The following TBC1D1 variants were observed in gnomAD, a reference collection of about 807,000 sequenced individuals.
TBC1D1 encodes the protein TBC1 (tre-2/USP6, BUB2, cdc16) domain family, member 1.
TBC1D1 carries 89 observed loss-of-function variants against 125.6 expected under a neutral mutation model. That is an observed-to-expected ratio of 0.71 (90% confidence interval 0.60 to 0.85). The LOEUF is 0.85. Ranked by LOEUF, TBC1D1 falls within the 40% of genes least tolerant of loss-of-function variation. The pLI is 0.00. For missense variants in TBC1D1, 1,377 were observed against 1,469.2 expected (o/e 0.94, Z 1.03); for synonymous variants, 565 against 564.1 (o/e 1.00, Z -0.02).
rs58102618 is a variant in TBC1D1 at position 38,066,954 on chromosome 4, G to A, written c.2050+12616G>A. ...TGCAGTGGTGCAATCTTGGCTCACTGCAACCTCCGCCTCCTGGGTTCAAGC... is the reference window on the plus strand; with the variant it reads ...TGCAGTGGTGCAATCTTGGCTCACTACAACCTCCGCCTCCTGGGTTCAAGC... On this transcript the variant is annotated intron_variant, in intron 12 of 19. Transcript: ENST00000261439. 1.8e-4 allele frequency among the ~76,000 whole-genome samples: 27 copies of A among 152,000 alleles called. No homozygotes were observed. The East Asian group carries it at 5.2e-3, about 30-fold the overall frequency.
chr4:38,125,649 A>G (rs1216381021), intron 18 of TBC1D1, among the ~76,000 whole-genome samples: 14 of 152,110 alleles, frequency 9.2e-5, no homozygotes, highest in Admixed American at 9.2e-4. Context: ...CTGTGGCTTC[A>G]TTACCTCTGG....
chr4:38,077,684 G>A (rs528267056), intron 12 of TBC1D1, among the ~76,000 whole-genome samples: 1 of 141,286 alleles, frequency 7.1e-6, no homozygotes, highest in African/African-American at 2.7e-5. Context: ...TACATTAAAA[G>A]CCTGTAATTT....
chr4:37,900,407 CTTTTT>C (rs10612576), intron 1 of TBC1D1, among the ~76,000 whole-genome samples: 31,558 of 140,688 alleles, frequency 0.22, 3,752 homozygotes, highest in Middle Eastern at 0.31. Flanking sequence ...AAGGAAATAT[CTTTTT>C]TTTTTTTTTT....
chr4:38,116,899 G>C (rs1763072333), intron 16 of TBC1D1, among the ~76,000 whole-genome samples: 1 of 152,174 alleles, frequency 6.6e-6, no homozygotes, highest in African/African-American at 2.4e-5. Flanking sequence ...CAAATTATGT[G>C]ATTCAAAATC....
chr4:37,901,098 TAGAC>T (rs1382584894), intron 1 of TBC1D1, among the ~76,000 whole-genome samples: 2 of 147,456 alleles, frequency 1.4e-5, no homozygotes, highest in African/African-American at 2.5e-5. Context: ...AGAAAGAACA[TAGAC>T]AGGGAAATGT....
chr4:38,136,269 T>C (rs1008009925), intron 19 of TBC1D1, among the ~76,000 whole-genome samples: 1 of 152,226 alleles, frequency 6.6e-6, no homozygotes, highest in African/African-American at 2.4e-5. Context: ...AATTATGTGC[T>C]AGGTGCTGAG....
At chr4:38,117,147 G>T (rs1254644622) in intron 16 of TBC1D1, among the ~76,000 whole-genome samples, 1 of 152,178 alleles carries the variant, frequency 6.6e-6, no homozygotes, top group African/African-American at 2.4e-5. Context: ...GACAGTCTTC[G>T]ATATGGGAGA....
intron 8 of TBC1D1, among the ~76,000 whole-genome samples, chr4:38,041,779 CAT>C: frequency 6.6e-6 from 1 of 152,256 alleles, no homozygotes; most frequent in African/African-American, 2.4e-5. Flanking sequence ...AAGCAGAAAA[CAT>C]GAATTGATAG....
chr4:37,993,927 G>A (rs1352119463), intron 2 of TBC1D1, among the ~76,000 whole-genome samples: 2 of 152,246 alleles, frequency 1.3e-5, no homozygotes, highest in Admixed American at 6.5e-5. Context: ...CTTGGCTGGC[G>A]AAGCCAGTCT....
At chr4:38,084,819 A>G (rs1208251924) in intron 12 of TBC1D1, among the ~76,000 whole-genome samples, 3 of 152,144 alleles carry the variant, frequency 2.0e-5, no homozygotes, top group Admixed American at 6.5e-5. Context: ...AAAAGCCAGA[A>G]AATTGGAGAA....
chr4:37,894,447 G>T (rs961599486), intron 1 of TBC1D1, among the ~76,000 whole-genome samples: 1 of 152,198 alleles, frequency 6.6e-6, no homozygotes, highest in Non-Finnish European at 1.5e-5. Context: ...TGTGCAGAAT[G>T]TAGGAAATAC....
chr4:37,908,292 G>C (rs1397962044), intron 2 of TBC1D1, among the ~76,000 whole-genome samples: 1 of 152,080 alleles, frequency 6.6e-6, no homozygotes, highest in Non-Finnish European at 1.5e-5. Context: ...TGCAACCTCT[G>C]CCTACCGGGT....
intron 2 of TBC1D1, among the ~76,000 whole-genome samples, chr4:37,920,836 C>T (rs1405681639): frequency 6.6e-6 from 1 of 152,028 alleles, no homozygotes; most frequent in African/African-American, 2.4e-5. Context: ...AGGGGCCGGG[C>T]GCGGTGGCTC....
intron 2 of TBC1D1, among the ~76,000 whole-genome samples, chr4:37,999,469 G>C (rs1202744169): frequency 6.6e-6 from 1 of 152,166 alleles, no homozygotes; most frequent in Non-Finnish European, 1.5e-5. Context: ...CAAATACTCT[G>C]ATGTAGGCCC....
chr4:37,945,736 T>C (rs932388202), intron 2 of TBC1D1, among the ~76,000 whole-genome samples: 6 of 152,204 alleles, frequency 3.9e-5, no homozygotes, highest in African/African-American at 1.4e-4. Flanking sequence ...AAAGCCTTTC[T>C]ATTGGAAATC....
At chr4:38,027,341 C>T (rs1225389077) in intron 6 of TBC1D1, among the ~76,000 whole-genome samples, 10 of 152,216 alleles carry the variant, frequency 6.6e-5, no homozygotes, top group African/African-American at 2.2e-4. Flanking sequence ...AAAATTTCCA[C>T]GCCAAGCACA....
intron 12 of TBC1D1, among the ~76,000 whole-genome samples, chr4:38,063,675 C>T (rs1486793796): frequency 6.6e-6 from 1 of 151,824 alleles, no homozygotes; most frequent in African/African-American, 2.4e-5. Context: ...GTCGCCCAGG[C>T]TGGAGTGCAG....
chr4:38,039,956 T>A, intron 8 of TBC1D1, among the ~76,000 whole-genome samples: 1 of 151,982 alleles, frequency 6.6e-6, no homozygotes, highest in Non-Finnish European at 1.5e-5. Flanking sequence ...CTCTGTTTTT[T>A]TTTTTTAAAG....
chr4:37,894,021 CTG>C, intron 1 of TBC1D1, among the ~76,000 whole-genome samples: 1 of 145,100 alleles, frequency 6.9e-6, no homozygotes, highest in South Asian at 2.2e-4. Context: ...AGGAGTCTTG[CTG>C]TGTCACCCAG....
Sources: allele counts gnomAD v4.1 joint callset (sites outside exome capture counted in the v4.1 genomes callset), GRCh38; gene constraint gnomAD v4.1.1; transcripts MANE v1.5; gene names NCBI Gene and HGNC (gene_info 2026-07-23, HGNC 2026-07-21).